The following HLCS variants were observed in gnomAD, a reference collection of about 807,000 sequenced individuals.
HLCS encodes the protein biotin--protein ligase.
A neutral mutation model predicts 75.0 loss-of-function variants in HLCS; 53 were observed. The observed-to-expected ratio is 0.71, with a 90% confidence interval of 0.57 to 0.89. The LOEUF (loss-of-function observed/expected upper bound fraction) is 0.89, where lower values mean the gene tolerates loss of function less well. Among genes scored for constraint, HLCS ranks in the 40% least tolerant of loss-of-function variants. The pLI, the probability that HLCS is intolerant of heterozygous loss-of-function variation, is 0.00. For synonymous variants in HLCS, 431 were observed against 428.6 expected, an observed-to-expected ratio of 1.01 and a Z score of -0.07; for missense variants, 966 against 1,074.0, an observed-to-expected ratio of 0.90 and a Z score of 1.41.
chr21:36,928,617 C>T (rs781363862), intron 5 of HLCS, among the ~76,000 whole-genome samples: 14 of 152,142 alleles, frequency 9.2e-5, no homozygotes, highest in Non-Finnish European at 1.0e-4. Context: ...ACAACATACA[C>T]GTACTCATTC....
intron 5 of HLCS, among the ~76,000 whole-genome samples, chr21:36,906,058 A>AC (rs1276531789): frequency 6.6e-6 from 1 of 151,604 alleles, no homozygotes; most frequent in East Asian, 1.9e-4. Context: ...TCAAAAAAAA[A>AC]AAAAAACAAA....
intron 6 of HLCS, among the ~76,000 whole-genome samples, chr21:36,807,789 T>C (rs923602095): frequency 1.3e-5 from 2 of 152,130 alleles, no homozygotes; most frequent in African/African-American, 4.8e-5. Context: ...AGTGCCTGAA[T>C]GTTCTCAGGG....
intron 6 of HLCS, among the ~76,000 whole-genome samples, chr21:36,860,448 G>C (rs1259186724): frequency 6.6e-6 from 1 of 152,152 alleles, no homozygotes; most frequent in Non-Finnish European, 1.5e-5. Context: ...TCAACATGCA[G>C]AGAAAGCTGC....
At chr21:36,973,917 G>C (rs923122439) in intron 1 of HLCS, 1 of 152,586 alleles carries the variant, frequency 6.6e-6, no homozygotes, top group African/African-American at 2.4e-5. Context: ...CTTGAACCTG[G>C]GAGGCGGAGG....
Position 36,754,302 on chromosome 21 carries a change from G to A in HLCS, c.2566C>T (p.Pro856Ser). ...QEGGEVVTVH[P>S]DGNSFDMLRN... ...AGCATGTCGAAGGAGTTGCCGTCCG[G>A]GTGCACAGTCACAACCTCGCCGCCC... is the stretch of plus-strand genomic sequence containing the variant. Residue 856 changes from proline to serine, a missense_variant, in exon 11 of 11, where the codon CCG becomes TCG. Transcript: ENST00000674895. 1 of 1,614,024 alleles carries A rather than the reference G, an allele frequency of 6.2e-7. No individual in the cohort carries two copies. The highest frequency in any genetic ancestry group is 8.5e-7 in the Non-Finnish European group (1 of 1,180,004).
chr21:36,894,582 T>C (rs1340403663), intron 6 of HLCS, among the ~76,000 whole-genome samples: 1 of 152,200 alleles, frequency 6.6e-6, no homozygotes, highest in Non-Finnish European at 1.5e-5. Flanking sequence ...GAACAGCGGA[T>C]GCAGGGCATC....
chr21:36,963,644 C>T (rs2068424073), intron 1 of HLCS, among the ~76,000 whole-genome samples: 2 of 151,880 alleles, frequency 1.3e-5, no homozygotes, highest in African/African-American at 4.8e-5. Flanking sequence ...CCCAGCTACT[C>T]GGGAGGCTAA....
At chr21:36,957,929 GA>G (rs58789618) in intron 2 of HLCS, among the ~76,000 whole-genome samples, 158 of 64,360 alleles carry the variant, frequency 2.5e-3, no homozygotes, top group South Asian at 5.0e-3. Flanking sequence ...ACTGCGTCTC[GA>G]AAAAAAAAAA....
At chr21:36,862,945 CTTT>C (rs779603490) in intron 6 of HLCS, among the ~76,000 whole-genome samples, 7 of 140,000 alleles carry the variant, frequency 5.0e-5, no homozygotes, top group Non-Finnish European at 1.5e-5. Context: ...CTCTTTCTCT[CTTT>C]TTTTTTTTTT....
intron 6 of HLCS, among the ~76,000 whole-genome samples, chr21:36,810,815 G>T (rs74874238): frequency 0.038 from 5,814 of 152,234 alleles, 345 homozygotes; most frequent in African/African-American, 0.13. Flanking sequence ...TGGGTACAAG[G>T]TTACGCCTGG....
chr21:36,853,271 C>T (rs952390041), intron 6 of HLCS, among the ~76,000 whole-genome samples: 1 of 152,152 alleles, frequency 6.6e-6, no homozygotes, highest in East Asian at 1.9e-4. Flanking sequence ...GCACACAAAG[C>T]TCTATCTTTA....
intron 6 of HLCS, among the ~76,000 whole-genome samples, chr21:36,855,268 C>T (rs1004771305): frequency 1.1e-4 from 17 of 151,976 alleles, no homozygotes; most frequent in African/African-American, 2.9e-4. Context: ...TGGTGGCTCA[C>T]GCCTGTAATC....
At chr21:36,792,192 G>C (rs1479680170) in intron 6 of HLCS, among the ~76,000 whole-genome samples, 1 of 151,996 alleles carries the variant, frequency 6.6e-6, no homozygotes, top group Non-Finnish European at 1.5e-5. Flanking sequence ...GGGGACCCTG[G>C]TAAATCACCC....
chr21:36,867,065 A>G (rs1286173393), intron 6 of HLCS, among the ~76,000 whole-genome samples: 2 of 152,224 alleles, frequency 1.3e-5, no homozygotes, highest in Non-Finnish European at 2.9e-5. Flanking sequence ...ACTGATATTA[A>G]TAGATCTGCT....
At chr21:36,916,381 G>A (rs1171015954) in intron 5 of HLCS, among the ~76,000 whole-genome samples, 1 of 151,906 alleles carries the variant, frequency 6.6e-6, no homozygotes, top group East Asian at 1.9e-4. Flanking sequence ...AAGAGATAGG[G>A]TCTTGCTTGC....
At chr21:36,974,811 T>TGGACTTCTAGTCCA (rs1302613670) in intron 1 of HLCS, 1 of 152,174 alleles carries the variant, frequency 6.6e-6, no homozygotes, top group Non-Finnish European at 1.5e-5. Flanking sequence ...GCCCACACCT[T>TGGACTTCTAGTCCA]CATCTTGGAC....
intron 6 of HLCS, among the ~76,000 whole-genome samples, chr21:36,840,739 A>T (rs1311765027): frequency 6.6e-6 from 1 of 151,944 alleles, no homozygotes; most frequent in Non-Finnish European, 1.5e-5. Context: ...CAGCCTCCCG[A>T]ATAGCTGGGA....
intron 2 of HLCS, among the ~76,000 whole-genome samples, chr21:36,941,956 G>A (rs770908978): frequency 6.6e-6 from 1 of 151,650 alleles, no homozygotes; most frequent in Admixed American, 6.6e-5. Flanking sequence ...GCAGTGAGCC[G>A]AGATCGCACC....
intron 6 of HLCS, among the ~76,000 whole-genome samples, chr21:36,789,270 G>T (rs1416910983): frequency 1.3e-5 from 2 of 152,178 alleles, no homozygotes; most frequent in Non-Finnish European, 2.9e-5. Flanking sequence ...GCCCAGGCTG[G>T]TTGTTCGACT....
Sources: allele counts gnomAD v4.1 joint callset (sites outside exome capture counted in the v4.1 genomes callset), GRCh38; gene constraint gnomAD v4.1.1; transcripts MANE v1.5; gene names NCBI Gene and HGNC (gene_info 2026-07-23, HGNC 2026-07-21).